Variants in COX15 observed in about 807,000 individuals in gnomAD.
The protein encoded by COX15 is heme A synthase COX15.
In COX15, 51 loss-of-function variants were observed where a neutral mutation model predicts 51.9. The ratio of observed to expected loss-of-function variants is 0.98; its 90% CI spans 0.78 to 1.24. The LOEUF (loss-of-function observed/expected upper bound fraction) is 1.24. Ranked by LOEUF, COX15 falls within the 50% of genes most tolerant of loss-of-function variation. The probability of loss-of-function intolerance (pLI) is 0.00; values close to 1 mark genes in which losing one functional copy is unlikely to be tolerated. For missense variants in COX15, 420 were observed against 501.1 expected (o/e 0.84, Z 1.55); for synonymous variants, 188 against 190.5 (o/e 0.99, Z 0.11).
chr10:99,713,651 A>C lies in COX15; in HGVS notation c.*936T>G, dbSNP rs1053444621. On this transcript the variant is annotated 3_prime_UTR_variant, in exon 9 of 9. Coordinates refer to ENST00000016171, the MANE Select transcript of COX15 (RefSeq NM_078470.6). ...ACTGTCGATTCCATTCCTCTCTCTGACCTTGTAATGTTAACAGCCTTATCA... is the reference window on the plus strand; with the variant it reads ...ACTGTCGATTCCATTCCTCTCTCTGCCCTTGTAATGTTAACAGCCTTATCA... 8.2e-6 allele frequency: 8 copies of C among 971,104 alleles called. No homozygotes were observed. The highest frequency in any genetic ancestry group is 1.2e-5 in the Non-Finnish European group (8 of 660,938). The allele number at this position is 971,104 out of a possible 1,614,324, so 60.2% of individuals were successfully genotyped here. A position where few individuals can be genotyped will look rare whatever the true frequency, so the allele number is the denominator to read the frequency against.
intron 1 of COX15, among the ~76,000 whole-genome samples, chr10:99,731,306 A>C (rs922499795): frequency 2.6e-5 from 4 of 152,200 alleles, no homozygotes; most frequent in African/African-American, 9.7e-5. Context: ...TGTTTCTAAC[A>C]CTGTTCCTTT....
chr10:99,708,427 G>A (rs1004896921), downstream of COX15, among the ~76,000 whole-genome samples: 4 of 152,122 alleles, frequency 2.6e-5, no homozygotes, highest in Non-Finnish European at 4.4e-5. Flanking sequence ...TAGGCTTAAC[G>A]AATAGCAGAC....
chr10:99,713,188 A>T lies in COX15; in HGVS notation c.*1399T>A. 7.2e-7 allele frequency: 1 copy of T among 1,379,722 alleles called. No individual in the cohort carries two copies. The highest frequency in any genetic ancestry group is 9.5e-7 in the Non-Finnish European group (1 of 1,057,932). 85.5% of individuals were successfully genotyped at this position (1,379,722 alleles called of 1,614,324 possible). On this transcript the variant is annotated 3_prime_UTR_variant, in exon 9 of 9. Coordinates refer to ENST00000016171, the MANE Select transcript of COX15 (RefSeq NM_078470.6). ...ATCATATAATAACAACATGAATACT[A>T]CTTGGTTCATATTGAACCTGAGGAC...
intron 2 of COX15, among the ~76,000 whole-genome samples, chr10:99,728,132 A>C (rs2037022386): frequency 6.6e-6 from 1 of 152,210 alleles, no homozygotes; most frequent in Non-Finnish European, 1.5e-5. Flanking sequence ...TAAAAGCCTG[A>C]TTTTAGGCCT....
chr10:99,696,510 A>C, the COX15 span, among the ~76,000 whole-genome samples: 1 of 152,252 alleles, frequency 6.6e-6, no homozygotes, highest in African/African-American at 2.4e-5. Context: ...GTGCAGTTGC[A>C]TCTTTTGTGA....
At position 99,711,137 on chromosome 10, in the gene COX15, C is replaced by G; in HGVS notation, c.*3450G>C. 2.0e-6 allele frequency: 2 copies of G among 984,990 alleles called. No individual in the cohort carries two copies. Among genetic ancestry groups the G allele is most frequent in the Non-Finnish European group, 2.4e-6 (2 of 829,666 alleles). 61.0% of individuals were successfully genotyped at this position (984,990 alleles called of 1,614,324 possible). A position where few individuals can be genotyped will look rare whatever the true frequency, so the allele number is the denominator to read the frequency against. ...CTAAGATAATCATTCACCAGAAGCT[C>G]ATAGATATAATACAGTTATATAGCT... On this transcript the variant is annotated 3_prime_UTR_variant, in exon 9 of 9. Coordinates refer to ENST00000016171, the MANE Select transcript of COX15 (RefSeq NM_078470.6).
Position 99,716,434 on chromosome 10 carries a change from C to T in COX15, c.1015G>A (p.Val339Met), listed in dbSNP as rs141830307. 37 of 1,613,616 alleles carry T rather than the reference C, an allele frequency of 2.3e-5. No individual in the cohort carries two copies. The African/African-American group carries it at 4.7e-4, about 20-fold the overall frequency. ...LGITSVTAIT[V>M]LYFLSRRIPL... is the part of the protein sequence containing the mutation. ...ATTCTCCGAGAGAGGAAGTAGAGCA[C>T]TGTAATGGCAGTGACTGAAGTGATT... Residue 339 changes from valine to methionine, a missense_variant, in exon 8 of 9, where the codon GTG becomes ATG. Transcript: ENST00000016171.
chr10:99,702,383 G>A, the COX15 span: 6 of 710,024 alleles, frequency 8.5e-6, no homozygotes, highest in Non-Finnish European at 1.3e-5. Context: ...CCCACTTAGA[G>A]GTGAGGAAGG....
chr10:99,723,709 C>T (rs889462352), intron 5 of COX15, among the ~76,000 whole-genome samples: 2 of 152,130 alleles, frequency 1.3e-5, no homozygotes, highest in Admixed American at 1.3e-4. Flanking sequence ...TCAGAAACAC[C>T]TCTGTTCTGA....
chr10:99,701,192 G>A, the COX15 span: 1 of 814,792 alleles, frequency 1.2e-6, no homozygotes, highest in Admixed American at 2.4e-5. Context: ...GATTTTCTCA[G>A]GGATAGGGGC....
the COX15 span, among the ~76,000 whole-genome samples, chr10:99,696,983 A>G: frequency 1.1e-3 from 161 of 152,344 alleles, 1 homozygote; most frequent in African/African-American, 3.7e-3. Context: ...GGCTGATACT[A>G]AGCAAACAAC....
intron 8 of COX15, among the ~76,000 whole-genome samples, chr10:99,716,006 T>TA (rs1554840447): frequency 4.9e-5 from 7 of 142,736 alleles, no homozygotes; most frequent in African/African-American, 1.8e-4. Flanking sequence ...TTTTTTTTTT[T>TA]AAACAGACAG....
rs2036515546 is a variant in COX15 at position 99,714,799 on chromosome 10, C to T, written c.1102-81G>A. On this transcript the variant is annotated intron_variant, in intron 8 of 8. Transcript: ENST00000016171. Reference sequence around the variant, plus strand: ...AAATGGCCAGGCGTGGATAACCACACACAAACCTCCACATCCTCCTATCAG... The same window carrying T: ...AAATGGCCAGGCGTGGATAACCACATACAAACCTCCACATCCTCCTATCAG... 6.2e-6 allele frequency: 10 copies of T among 1,600,612 alleles called. No individual in the cohort carries two copies. The South Asian group carries it at 6.6e-5, about 11-fold the overall frequency.
chr10:99,712,581 A>G lies in COX15; in HGVS notation c.*2006T>C. Reference sequence around the variant, plus strand: ...TTTGTATTGTCACTGTATGGAATCTAGGTATATCCAAGGAAAAATAAACTT... The same window carrying G: ...TTTGTATTGTCACTGTATGGAATCTGGGTATATCCAAGGAAAAATAAACTT... On this transcript the variant is annotated 3_prime_UTR_variant, in exon 9 of 9. Transcript: ENST00000016171. The G allele has an allele frequency of 1.0e-6, 1 of 984,616 alleles. No individual in the cohort carries two copies. The highest frequency in any genetic ancestry group is 1.2e-6 in the Non-Finnish European group (1 of 829,174). 61.0% of individuals were successfully genotyped at this position (984,616 alleles called of 1,614,324 possible). A position where few individuals can be genotyped will look rare whatever the true frequency, so the allele number is the denominator to read the frequency against.
downstream of COX15, chr10:99,709,838 T>C (rs1342405753): frequency 2.0e-6 from 2 of 985,244 alleles, no homozygotes; most frequent in African/African-American, 1.7e-5. Flanking sequence ...AGTACCGTTA[T>C]CAGAGGGACG....
the COX15 span, chr10:99,701,130 A>G: frequency 8.0e-7 from 1 of 1,252,946 alleles, no homozygotes; most frequent in African/African-American, 1.5e-5. Context: ...GAGAGTGAGC[A>G]ATAATGCAGA....
chr10:99,718,599 A>C, intron 6 of COX15, 99 bp from the exon 7 acceptor site: 2 of 1,226,252 alleles, frequency 1.6e-6, no homozygotes, highest in Non-Finnish European at 2.4e-6. Context: ...GAGTTAAACT[A>C]AGGGAACAGT....
At chr10:99,704,591 A>C in the COX15 span, 1 of 1,614,150 alleles carries the variant, frequency 6.2e-7, no homozygotes, top group Non-Finnish European at 8.5e-7. Context: ...GCTACGCCGA[A>C]TTCACCACCG....
At chr10:99,705,281 G>A in the COX15 span, 1 of 156,700 alleles carries the variant, frequency 6.4e-6, no homozygotes. Context: ...CCCTGTCGTA[G>A]TGTTGATGAT....
Sources: allele counts gnomAD v4.1 joint callset (sites outside exome capture counted in the v4.1 genomes callset), GRCh38; gene constraint gnomAD v4.1.1; transcripts MANE v1.5; gene names NCBI Gene and HGNC (gene_info 2026-07-23, HGNC 2026-07-21).